The following INSR variants were observed in gnomAD, a reference collection of about 807,000 sequenced individuals.
INSR encodes the protein insulin receptor, also known as IR.
In INSR, 67 loss-of-function variants were observed where a neutral mutation model predicts 142.6. That is an observed-to-expected ratio of 0.47 (90% CI 0.39 to 0.58). INSR has a LOEUF of 0.58. Among genes scored for constraint, INSR ranks in the 20% least tolerant of loss-of-function variants. The probability of loss-of-function intolerance (pLI) is 0.00; values close to 1 mark genes in which losing one functional copy is unlikely to be tolerated. For synonymous variants in INSR, 756 were observed against 743.1 expected, an observed-to-expected ratio of 1.02 and a Z score of -0.28; for missense variants, 1,248 against 1,833.2, an observed-to-expected ratio of 0.68 and a Z score of 5.83.
chr19:7,288,183 C>A (rs1206452307), intron 1 of INSR, among the ~76,000 whole-genome samples: 1 of 151,460 alleles, frequency 6.6e-6, no homozygotes, highest in Non-Finnish European at 1.5e-5. Context: ...CATAGCAAGA[C>A]CCTGTTTCTA....
chr19:7,258,947 T>C (rs570188939), intron 2 of INSR, among the ~76,000 whole-genome samples: 1 of 145,034 alleles, frequency 6.9e-6, no homozygotes, highest in African/African-American at 2.5e-5. Flanking sequence ...CTTTCCTTCT[T>C]CCTTCCTTCC....
chr19:7,213,939 G>C (rs1340929306), intron 2 of INSR, among the ~76,000 whole-genome samples: 2 of 151,602 alleles, frequency 1.3e-5, no homozygotes, highest in East Asian at 3.9e-4. Context: ...TCAGTGAGCA[G>C]AGATTGTGCC....
At chr19:7,153,488 C>CCA (rs1035164473) in intron 9 of INSR, among the ~76,000 whole-genome samples, 13 of 100,416 alleles carry the variant, frequency 1.3e-4, no homozygotes, top group African/African-American at 4.3e-4. Flanking sequence ...CACACACGCA[C>CCA]CACACACACA....
intron 2 of INSR, among the ~76,000 whole-genome samples, chr19:7,245,396 T>C (rs1343430313): frequency 3.3e-5 from 5 of 152,164 alleles, no homozygotes; most frequent in African/African-American, 1.2e-4. Context: ...ACTTGGAGGC[T>C]AAGGAGGATC....
Position 7,148,102 on chromosome 19 carries a change from C to T in INSR, c.2267+2395G>A, listed in dbSNP as rs184131256. Among the ~76,000 whole-genome samples, 13 of 151,786 alleles carry T rather than the reference C, an allele frequency of 8.6e-5. 1 individual carries two copies. In the South Asian group the frequency reaches 1.3e-3, roughly 15 times the overall value. ...CTAATTTTTGTATTTTTAGTAGAGA[C>T]GGGGTTTCGCCATGTTGCCCAGGCT... On this transcript the variant is annotated intron_variant, in intron 11 of 21. Transcript: ENST00000302850.
At chr19:7,284,559 C>T (rs1968294818) in intron 1 of INSR, among the ~76,000 whole-genome samples, 1 of 152,074 alleles carries the variant, frequency 6.6e-6, no homozygotes, top group African/African-American at 2.4e-5. Flanking sequence ...TTTTGAGTCT[C>T]ACCCTGTCAC....
chr19:7,174,287 A>C lies in INSR; in HGVS notation c.1123+296T>G, dbSNP rs970430665. Among the ~76,000 whole-genome samples the C allele has an allele frequency of 2.8e-5, 4 of 141,074 alleles. No individual in the cohort carries two copies. The East Asian group carries it at 7.8e-4, about 28-fold the overall frequency. 92.6% of individuals were successfully genotyped at this position (141,074 alleles called of 152,430 possible). ...AGCCTGGGCAATGGAGCAAGACCCC[A>C]TCTCTAAAAATAAAAATAAAAATAA... On this transcript the variant is annotated intron_variant, in intron 4 of 21. Transcript: ENST00000302850.
intron 1 of INSR, among the ~76,000 whole-genome samples, chr19:7,283,229 CCCGAGAGCCACTGCTGCCTCTCCCTG>C (rs942643347): frequency 2.0e-5 from 3 of 152,008 alleles, no homozygotes; most frequent in African/African-American, 7.2e-5. Context: ...TAAATAAAAT[CCCGAGAGCCACTGCTGCCTCTCCCTG>C]CCACCAGTGT....
intron 12 of INSR, among the ~76,000 whole-genome samples, chr19:7,142,301 A>T (rs149954658): frequency 0.012 from 1,805 of 147,976 alleles, 39 homozygotes; most frequent in African/African-American, 0.043. Flanking sequence ...GAGGCAGGAG[A>T]ATTGCTTGAA....
intron 9 of INSR, 79 bp from the exon 10 acceptor site, chr19:7,153,006 A>ACTC: frequency 1.6e-6 from 1 of 608,082 alleles, no homozygotes; most frequent in African/African-American, 4.2e-5. Context: ...CCCCACACAC[A>ACTC]CACACACCAC....
chr19:7,119,680 G>T lies in INSR; in HGVS notation c.3660-97C>A, dbSNP rs13306447. 4 of 1,329,608 alleles carry T rather than the reference G, an allele frequency of 3.0e-6. No individual in the cohort carries two copies. Among genetic ancestry groups the T allele is most frequent in the African/African-American group, 1.5e-5 (1 of 67,922 alleles). 82.4% of individuals were successfully genotyped at this position (1,329,608 alleles called of 1,614,324 possible). A position where few individuals can be genotyped will look rare whatever the true frequency, so the allele number is the denominator to read the frequency against. ...CACACACGCAAACGCACACACACAC[G>T]CAAACACACATGCCAACACATACAT... On this transcript the variant is annotated intron_variant, in intron 20 of 21. Coordinates refer to ENST00000302850, the MANE Select transcript of INSR (RefSeq NM_000208.4). The surrounding 1 kb of genome is among the most constrained non-coding windows in gnomAD (Gnocchi z 5.2).
At chr19:7,122,146 A>G (rs901257134) in intron 19 of INSR, among the ~76,000 whole-genome samples, 27 of 151,126 alleles carry the variant, frequency 1.8e-4, no homozygotes, top group African/African-American at 6.3e-4. Context: ...CATGTCAGAA[A>G]AAAGAAAAAA....
chr19:7,136,019 C>T (rs1412543629), intron 13 of INSR, among the ~76,000 whole-genome samples: 1 of 151,922 alleles, frequency 6.6e-6, no homozygotes, highest in Non-Finnish European at 1.5e-5. Flanking sequence ...CCTAAAGCAG[C>T]TGTGCCATTT....
intron 8 of INSR, among the ~76,000 whole-genome samples, chr19:7,165,072 G>A (rs531102635): frequency 1.3e-5 from 2 of 152,128 alleles, no homozygotes; most frequent in Non-Finnish European, 2.9e-5. Context: ...GTTACAGTGA[G>A]CTGAGATCAC....
chr19:7,249,064 A>T lies in INSR; in HGVS notation c.652+18281T>A, dbSNP rs150881020. Among the ~76,000 whole-genome samples, 795 of 152,190 alleles carry T rather than the reference A, an allele frequency of 5.2e-3. 4 individuals carry two copies. Among genetic ancestry groups the T allele is most frequent in the Non-Finnish European group, 7.2e-3 (489 of 67,974 alleles). On this transcript the variant is annotated intron_variant, in intron 2 of 21. Transcript: ENST00000302850. ...GTGAGTTACTGCGCCCATGTCCCCC[A>T]GTATCTTTTGAAGCCATCCTTTCAA... is the stretch of plus-strand genomic sequence containing the variant.
At chr19:7,232,093 CACTGGAAAGGGCTGGGATGAGGCAATG>C in intron 2 of INSR, among the ~76,000 whole-genome samples, 1 of 152,256 alleles carries the variant, frequency 6.6e-6, no homozygotes, top group South Asian at 2.1e-4. Context: ...ACTGGGAATT[CACTGGAAAGGGCTGGGATGAGGCAATG>C]TCCTCCATTT....
At chr19:7,121,025 C>A (rs193113845) in intron 19 of INSR, among the ~76,000 whole-genome samples, 131 of 152,006 alleles carry the variant, frequency 8.6e-4, no homozygotes, top group African/African-American at 3.0e-3. Context: ...TGATATGGAG[C>A]CTCACTCTGT....
chr19:7,264,856 C>T (rs73003970), intron 2 of INSR, among the ~76,000 whole-genome samples: 301 of 152,332 alleles, frequency 2.0e-3, no homozygotes, highest in Non-Finnish European at 3.6e-3. Context: ...CCTTTTTCAA[C>T]TATCCCACTC....
chr19:7,132,436 G>A (rs1455557519), intron 13 of INSR, 119 bp from the exon 14 acceptor site: 1 of 1,128,564 alleles, frequency 8.9e-7, no homozygotes, highest in Non-Finnish European at 1.3e-6. Context: ...AGGCAGCAAA[G>A]CACAGACTAA....
Sources: allele counts gnomAD v4.1 joint callset (sites outside exome capture counted in the v4.1 genomes callset), GRCh38; gene constraint gnomAD v4.1.1; non-coding constraint Gnocchi (gnomAD v3.1); transcripts MANE v1.5; gene names NCBI Gene and HGNC (gene_info 2026-07-23, HGNC 2026-07-21).